Variants in CEP112 observed in about 807,000 individuals in gnomAD.
The protein encoded by CEP112 is centrosomal protein 112, also known as centrosomal protein of 112 kDa.
In CEP112, 127 loss-of-function variants were observed where a neutral mutation model predicts 153.0. That is an observed-to-expected ratio of 0.83 (90% CI 0.72 to 0.96). The LOEUF (loss-of-function observed/expected upper bound fraction) is 0.96. Among genes scored for constraint, CEP112 ranks in the 40% least tolerant of loss-of-function variants. The probability of loss-of-function intolerance (pLI) is 0.00; values close to 1 mark genes in which losing one functional copy is unlikely to be tolerated. For synonymous variants in CEP112, 358 were observed against 374.4 expected, an observed-to-expected ratio of 0.96 and a Z score of 0.51; for missense variants, 1,089 against 1,101.2, an observed-to-expected ratio of 0.99 and a Z score of 0.16.
intron 23 of CEP112, among the ~76,000 whole-genome samples, chr17:65,735,178 T>C (rs972015426): frequency 7.9e-5 from 12 of 152,300 alleles, no homozygotes; most frequent in African/African-American, 2.9e-4. Flanking sequence ...AAGCTTAAAT[T>C]TTATCATTAG....
At chr17:66,039,205 G>C (rs1243569342) in intron 12 of CEP112, among the ~76,000 whole-genome samples, 1 of 152,134 alleles carries the variant, frequency 6.6e-6, no homozygotes, top group Non-Finnish European at 1.5e-5. Flanking sequence ...TTAAGTCTTA[G>C]AAAATATAAA....
chr17:66,160,064 C>G (rs995287493), intron 4 of CEP112, among the ~76,000 whole-genome samples: 2 of 151,982 alleles, frequency 1.3e-5, no homozygotes, highest in African/African-American at 4.8e-5. Context: ...AAACAGAGAG[C>G]CAAATCATGA....
intron 21 of CEP112, among the ~76,000 whole-genome samples, chr17:65,823,734 C>T (rs2056705429): frequency 6.6e-6 from 1 of 152,180 alleles, no homozygotes; most frequent in East Asian, 1.9e-4. Flanking sequence ...TTATAAACAA[C>T]TTGAGTCCAG....
intron 19 of CEP112, among the ~76,000 whole-genome samples, chr17:65,918,194 ATTAAAATT>A (rs2060568830): frequency 7.6e-6 from 1 of 130,932 alleles, no homozygotes; most frequent in Admixed American, 7.9e-5. Flanking sequence ...AAAAAAAAAA[ATTAAAATT>A]AAAATAAAAG....
chr17:65,866,974 A>G (rs2058508960), intron 20 of CEP112, among the ~76,000 whole-genome samples: 1 of 151,236 alleles, frequency 6.6e-6, no homozygotes, highest in Non-Finnish European at 1.5e-5. Flanking sequence ...TGCTCACCAC[A>G]TTGCAGATGA....
chr17:65,821,319 T>C (rs2056522014), intron 21 of CEP112, among the ~76,000 whole-genome samples: 1 of 150,604 alleles, frequency 6.6e-6, no homozygotes, highest in South Asian at 2.1e-4. Flanking sequence ...TGTGTATATA[T>C]ATACATATAT....
At chr17:65,870,819 C>T (rs1300549869) in intron 20 of CEP112, among the ~76,000 whole-genome samples, 2 of 152,156 alleles carry the variant, frequency 1.3e-5, no homozygotes, top group Non-Finnish European at 2.9e-5. Flanking sequence ...ATTTGGCCTT[C>T]GAAGAAGAAT....
chr17:66,136,574 G>A (rs1383940837), intron 4 of CEP112, among the ~76,000 whole-genome samples: 1 of 152,070 alleles, frequency 6.6e-6, no homozygotes, highest in Non-Finnish European at 1.5e-5. Context: ...GACTCTTGGG[G>A]GACTGCCCAA....
chr17:65,653,851 G>A (rs1389670551), intron 24 of CEP112, among the ~76,000 whole-genome samples: 1 of 152,014 alleles, frequency 6.6e-6, no homozygotes, highest in African/African-American at 2.4e-5. Flanking sequence ...ACAAGGTCAG[G>A]AGGTCAAGAC....
At chr17:66,114,532 T>C (rs1204078942) in intron 6 of CEP112, among the ~76,000 whole-genome samples, 1 of 152,172 alleles carries the variant, frequency 6.6e-6, no homozygotes, top group Non-Finnish European at 1.5e-5. Flanking sequence ...AATCATAGCA[T>C]CAGTCAGAAG....
At chr17:65,683,968 G>A (rs232113) in intron 24 of CEP112, among the ~76,000 whole-genome samples, 70,230 of 152,010 alleles carry the variant, frequency 0.46, 16,473 homozygotes, top group Middle Eastern at 0.56. Flanking sequence ...TTGAACCCGG[G>A]AAGCAGAGGT....
At chr17:65,717,666 A>G (rs1321563309) in intron 23 of CEP112, among the ~76,000 whole-genome samples, 1 of 152,142 alleles carries the variant, frequency 6.6e-6, no homozygotes, top group Non-Finnish European at 1.5e-5. Flanking sequence ...GCTTTGCAAA[A>G]TGTTTGTTTT....
intron 24 of CEP112, 112 bp downstream of exon 24, chr17:65,689,017 C>T (rs2047959735): frequency 1.4e-6 from 1 of 708,214 alleles, no homozygotes; most frequent in African/African-American, 1.8e-5. Flanking sequence ...ATCCACCCAC[C>T]TCGGCCTCCC....
chr17:65,997,781 C>T (rs958453127), intron 17 of CEP112, among the ~76,000 whole-genome samples: 3 of 31,736 alleles, frequency 9.5e-5, no homozygotes, highest in African/African-American at 2.3e-4. Context: ...TATACACACA[C>T]CCTAAACATC....
intron 4 of CEP112, among the ~76,000 whole-genome samples, chr17:66,160,123 T>G (rs1484957926): frequency 6.6e-6 from 1 of 152,100 alleles, no homozygotes; most frequent in African/African-American, 2.4e-5. Context: ...TATCTAGGAA[T>G]GCAACTTATA....
chr17:65,737,045 A>G (rs1026343057), intron 23 of CEP112, among the ~76,000 whole-genome samples: 3 of 152,228 alleles, frequency 2.0e-5, no homozygotes, highest in African/African-American at 7.2e-5. Flanking sequence ...TTTGTTAGGC[A>G]GCATTATTGT....
chr17:66,038,815 G>C (rs916245326), intron 12 of CEP112, among the ~76,000 whole-genome samples: 3 of 152,132 alleles, frequency 2.0e-5, no homozygotes, highest in Non-Finnish European at 4.4e-5. Context: ...ATTATAATAG[G>C]CATGATACTA....
chr17:66,038,611 G>A (rs568537273), intron 12 of CEP112, among the ~76,000 whole-genome samples: 37 of 152,232 alleles, frequency 2.4e-4, no homozygotes, highest in African/African-American at 7.5e-4. Flanking sequence ...ATGTTTTGCC[G>A]GCTGTAACAG....
At chr17:65,971,501 A>G (rs949756365) in intron 17 of CEP112, among the ~76,000 whole-genome samples, 1 of 152,216 alleles carries the variant, frequency 6.6e-6, no homozygotes, top group African/African-American at 2.4e-5. Context: ...TGTCATACAT[A>G]TCACACATGC....
Sources: gnomAD v4.1 joint callset for allele counts (sites outside exome capture counted in the v4.1 genomes callset) on GRCh38, gnomAD v4.1.1 for gene constraint, MANE v1.5 for transcripts, NCBI Gene and HGNC (gene_info 2026-07-23, HGNC 2026-07-21) for gene names.